The following SORCS3 variants were observed in gnomAD, a reference collection of about 807,000 sequenced individuals.
The protein encoded by SORCS3 is VPS10 domain-containing receptor SorCS3.
A neutral mutation model predicts 146.3 loss-of-function variants in SORCS3; 57 were observed. That is an observed-to-expected ratio of 0.39 (90% CI 0.31 to 0.49). The LOEUF (loss-of-function observed/expected upper bound fraction) is 0.49. Among genes scored for constraint, SORCS3 ranks in the 20% least tolerant of loss-of-function variants. The probability of loss-of-function intolerance (pLI) is 0.92; values close to 1 mark genes in which losing one functional copy is unlikely to be tolerated. For synonymous variants in SORCS3, 653 were observed against 618.5 expected, an observed-to-expected ratio of 1.06 and a Z score of -0.83; for missense variants, 1,341 against 1,575.5, an observed-to-expected ratio of 0.85 and a Z score of 2.52.
intron 5 of SORCS3, among the ~76,000 whole-genome samples, chr10:105,074,524 A>G (rs1044869043): frequency 2.0e-5 from 3 of 152,242 alleles, no homozygotes; most frequent in African/African-American, 7.2e-5. Flanking sequence ...GAGATAACAC[A>G]CACAGAGCAT....
chr10:104,654,515 T>A (rs1286683805), intron 1 of SORCS3, among the ~76,000 whole-genome samples: 1 of 152,212 alleles, frequency 6.6e-6, no homozygotes, highest in African/African-American at 2.4e-5. Context: ...GGTGAGATGA[T>A]ATGTTATTGT....
At chr10:104,668,685 T>G (rs1170973444) in intron 1 of SORCS3, among the ~76,000 whole-genome samples, 1 of 152,218 alleles carries the variant, frequency 6.6e-6, no homozygotes, top group Non-Finnish European at 1.5e-5. Flanking sequence ...GCAAATACTT[T>G]TTGAACTCAG....
At chr10:105,037,933 G>A (rs1218245798) in intron 4 of SORCS3, among the ~76,000 whole-genome samples, 1 of 152,162 alleles carries the variant, frequency 6.6e-6, no homozygotes, top group Non-Finnish European at 1.5e-5. Context: ...TCAGCTATCA[G>A]ATGCTTTTCT....
intron 13 of SORCS3, among the ~76,000 whole-genome samples, chr10:105,171,092 T>C (rs1174303637): frequency 6.6e-6 from 1 of 152,154 alleles, no homozygotes; most frequent in Non-Finnish European, 1.5e-5. Flanking sequence ...CCCACTGGGA[T>C]GTAGTGGCTC....
chr10:104,649,841 C>T (rs1407763919), intron 1 of SORCS3, among the ~76,000 whole-genome samples: 2 of 151,986 alleles, frequency 1.3e-5, no homozygotes, highest in African/African-American at 4.8e-5. Context: ...GTTAAGGGAT[C>T]CAGAAAGATG....
intron 2 of SORCS3, among the ~76,000 whole-genome samples, chr10:104,889,847 A>G (rs1389240427): frequency 6.6e-6 from 1 of 152,128 alleles, no homozygotes; most frequent in Non-Finnish European, 1.5e-5. Context: ...CATTCTAATA[A>G]TTCTGCCTAA....
chr10:104,841,249 G>A (rs1341059851), intron 1 of SORCS3, among the ~76,000 whole-genome samples: 2 of 152,316 alleles, frequency 1.3e-5, no homozygotes, highest in East Asian at 1.9e-4. Flanking sequence ...TTCTTTGCAT[G>A]GGTTCCTCAC....
intron 2 of SORCS3, among the ~76,000 whole-genome samples, chr10:104,877,973 A>G (rs556038739): frequency 1.4e-3 from 215 of 152,224 alleles, no homozygotes; most frequent in Non-Finnish European, 2.6e-3. Flanking sequence ...ACCATTTTCC[A>G]GAAGGGATTT....
chr10:104,687,526 G>T lies in SORCS3; in HGVS notation c.627+45572G>T, dbSNP rs533227495. 5.3e-5 allele frequency among the ~76,000 whole-genome samples: 8 copies of T among 152,316 alleles called. No homozygotes were observed. In the South Asian group the frequency reaches 1.7e-3, roughly 32 times the overall value. ...ACACACTAAGGTGTAAATGATCTATGTGAATTTCTTCCCTGAGTGTGTTTG... is the reference window on the plus strand; with the variant it reads ...ACACACTAAGGTGTAAATGATCTATTTGAATTTCTTCCCTGAGTGTGTTTG... On this transcript the variant is annotated intron_variant, in intron 1 of 26. Transcript: ENST00000369701.
chr10:104,792,644 C>G (rs2017508131), intron 1 of SORCS3, among the ~76,000 whole-genome samples: 1 of 152,144 alleles, frequency 6.6e-6, no homozygotes, highest in African/African-American at 2.4e-5. Flanking sequence ...TTCTTGGTAT[C>G]AAGGTGGCTA....
intron 7 of SORCS3, among the ~76,000 whole-genome samples, chr10:105,133,894 G>T (rs982182852): frequency 6.6e-6 from 1 of 152,094 alleles, no homozygotes; most frequent in Admixed American, 6.5e-5. Flanking sequence ...GCAGGTCAAG[G>T]CTTCAGTGAA....
chr10:104,825,152 T>C (rs1222477008), intron 1 of SORCS3, among the ~76,000 whole-genome samples: 1 of 152,152 alleles, frequency 6.6e-6, no homozygotes, highest in Non-Finnish European at 1.5e-5. Flanking sequence ...CTTGAGGACA[T>C]GGCATTTCCT....
At chr10:104,879,212 G>A (rs77384082) in intron 2 of SORCS3, among the ~76,000 whole-genome samples, 2,079 of 152,294 alleles carry the variant, frequency 0.014, 50 homozygotes, top group African/African-American at 0.047. Flanking sequence ...TCCAGTACAA[G>A]TCTCACTGGG....
intron 1 of SORCS3, among the ~76,000 whole-genome samples, chr10:104,672,570 T>A (rs2015868072): frequency 6.6e-6 from 1 of 152,168 alleles, no homozygotes; most frequent in African/African-American, 2.4e-5. Context: ...TCCTGTTTTT[T>A]AATTGTAAGT....
chr10:105,218,492 G>A (rs2056678479), intron 19 of SORCS3, among the ~76,000 whole-genome samples: 2 of 152,208 alleles, frequency 1.3e-5, no homozygotes, highest in Non-Finnish European at 2.9e-5. Context: ...GAAGTGGGGT[G>A]CTGCTACAAA....
intron 2 of SORCS3, among the ~76,000 whole-genome samples, chr10:104,845,835 A>G (rs1171549923): frequency 1.3e-5 from 2 of 152,102 alleles, no homozygotes; most frequent in Admixed American, 6.6e-5. Flanking sequence ...GCAAGTGGAG[A>G]AATGTCCCTA....
chr10:105,153,756 C>A (rs2056184990), intron 9 of SORCS3, among the ~76,000 whole-genome samples: 2 of 151,810 alleles, frequency 1.3e-5, no homozygotes, highest in Admixed American at 1.3e-4. Context: ...TAACTGGACC[C>A]AGTATACCTG....
chr10:104,892,605 C>G (rs1013328069), intron 2 of SORCS3, among the ~76,000 whole-genome samples: 9 of 152,120 alleles, frequency 5.9e-5, no homozygotes, highest in Non-Finnish European at 1.5e-5. Context: ...TGCCTGTAGT[C>G]CCAGCTGCTT....
At chr10:104,683,271 C>T (rs2016001806) in intron 1 of SORCS3, among the ~76,000 whole-genome samples, 1 of 152,190 alleles carries the variant, frequency 6.6e-6, no homozygotes, top group African/African-American at 2.4e-5. Context: ...AGTTTGAGTA[C>T]AAGTCTGTGT....
Sources: gnomAD v4.1 joint callset for allele counts (sites outside exome capture counted in the v4.1 genomes callset) on GRCh38, gnomAD v4.1.1 for gene constraint, MANE v1.5 for transcripts, NCBI Gene and HGNC (gene_info 2026-07-23, HGNC 2026-07-21) for gene names.